The following NINL variants were observed in gnomAD, a reference collection of about 807,000 sequenced individuals.
The protein encoded by NINL is ninein-like protein.
A neutral mutation model predicts 160.3 loss-of-function variants in NINL; 153 were observed. That is an observed-to-expected ratio of 0.95 (90% confidence interval 0.84 to 1.09). The LOEUF (loss-of-function observed/expected upper bound fraction) is 1.09, where lower values mean the gene tolerates loss of function less well. Ranked by LOEUF, NINL falls within the 50% of genes least tolerant of loss-of-function variation. The pLI, the probability that NINL is intolerant of heterozygous loss-of-function variation, is 0.00. For synonymous variants in NINL, 800 were observed against 734.8 expected (o/e 1.09, Z -1.43); for missense variants, 1,829 against 1,764.0 (o/e 1.04, Z -0.66).
At chr20:25,465,528 C>T (rs1005251454) in intron 19 of NINL, among the ~76,000 whole-genome samples, 3 of 152,156 alleles carry the variant, frequency 2.0e-5, no homozygotes, top group Non-Finnish European at 4.4e-5. Context: ...GACACTCCTT[C>T]CAGGTCCAGC....
intron 2 of NINL, among the ~76,000 whole-genome samples, chr20:25,524,672 C>T (rs966724816): frequency 2.6e-5 from 4 of 152,166 alleles, no homozygotes; most frequent in Non-Finnish European, 5.9e-5. Context: ...TGCTGATGCT[C>T]TAATACCAAT....
chr20:25,476,637 G>A lies in NINL; in HGVS notation c.2654C>T (p.Thr885Ile), dbSNP rs1051260310. 12 of 1,591,926 alleles carry A rather than the reference G, an allele frequency of 7.5e-6. No individual in the cohort carries two copies. The African/African-American group carries it at 1.6e-4, about 21-fold the overall frequency. ...GGGGGCCGGGCTCTGCGTAGCTTCT[G>A]TGTCCTGGGCTTGCCTGCGGCGAGG... ...AGPRRRQAQD[T>I]EATQSPAPAP... The change falls in exon 17 of 24, where the codon ACA (threonine) becomes ATA (isoleucine). Residue 885 changes from threonine (T) to isoleucine (I), a missense_variant. Coordinates refer to ENST00000278886, the MANE Select transcript of NINL (RefSeq NM_025176.6).
At chr20:25,529,409 C>A (rs1465854925) in intron 1 of NINL, among the ~76,000 whole-genome samples, 1 of 152,136 alleles carries the variant, frequency 6.6e-6, no homozygotes, top group African/African-American at 2.4e-5. Context: ...AATGAACAAA[C>A]CGGTTCATAG....
chr20:25,475,871 G>A (rs772149659), intron 17 of NINL, among the ~76,000 whole-genome samples, 172 bp downstream of exon 17: 31 of 152,310 alleles, frequency 2.0e-4, no homozygotes, highest in South Asian at 2.1e-4. Context: ...ATTCCGGGAC[G>A]GGGCTGGGCT....
chr20:25,456,408 C>T (rs1293836519), intron 22 of NINL, among the ~76,000 whole-genome samples: 1 of 150,672 alleles, frequency 6.6e-6, no homozygotes, highest in Non-Finnish European at 1.5e-5. Flanking sequence ...ATCAGCCGGG[C>T]ATGGTAGCGG....
chr20:25,552,444 AT>A (rs1001967064), intron 1 of NINL, among the ~76,000 whole-genome samples: 5 of 152,242 alleles, frequency 3.3e-5, no homozygotes, highest in Admixed American at 3.3e-4. Flanking sequence ...AAAGAAAAAA[AT>A]AAATCTACTA....
In NINL at chr20:25,498,364, G is replaced by T. The variant is rs746666983; in HGVS notation, c.1033-18C>A. The T allele has an allele frequency of 6.2e-7, 1 of 1,611,476 alleles. No individual in the cohort carries two copies. The highest frequency in any genetic ancestry group is 1.1e-5 in the South Asian group (1 of 90,972). On this transcript the variant is annotated intron_variant, in intron 8 of 23. Transcript: ENST00000278886. ...TCCAGGCTCTGGAAGCAGCAAGCCT[G>T]GTAAGCAGGAGAGGCTGAGGGACTT...
At chr20:25,523,153 A>G (rs1012629898) in intron 2 of NINL, among the ~76,000 whole-genome samples, 2 of 152,148 alleles carry the variant, frequency 1.3e-5, no homozygotes, top group Non-Finnish European at 2.9e-5. Flanking sequence ...ATTGTTTAGG[A>G]AATAGTGAGA....
In NINL at chr20:25,510,129, T is replaced by C. The variant is rs1239476981; in HGVS notation, c.517+545A>G. On this transcript the variant is annotated intron_variant, in intron 5 of 23. Transcript: ENST00000278886. ...CACAGCGCTGTGAGGCTGCATGCTA[T>C]GATTTGCTTATGTGTACCAGCTGCT... 2.0e-5 allele frequency among the ~76,000 whole-genome samples: 3 copies of C among 152,260 alleles called. No homozygotes were observed. In the East Asian group the frequency reaches 5.8e-4, roughly 29 times the overall value.
intron 2 of NINL, among the ~76,000 whole-genome samples, chr20:25,522,239 C>G (rs2064276862): frequency 6.6e-6 from 1 of 152,178 alleles, no homozygotes; most frequent in African/African-American, 2.4e-5. Context: ...CAATTTCTCA[C>G]TGATTTATTT....
At chr20:25,473,778 C>T (rs1206058212) in intron 17 of NINL, among the ~76,000 whole-genome samples, 1 of 151,764 alleles carries the variant, frequency 6.6e-6, no homozygotes, top group East Asian at 1.9e-4. Flanking sequence ...TGATGCAGGA[C>T]AATTGCTTGA....
rs746980973 is a variant in NINL at position 25,504,121 on chromosome 20, A to G, written c.709-17T>C. 1 of 1,550,140 alleles carries G rather than the reference A, an allele frequency of 6.5e-7. No homozygotes were observed. Among genetic ancestry groups the G allele is most frequent in the South Asian group, 1.3e-5 (1 of 79,122 alleles). Reference sequence around the variant, plus strand: ...TTCGAGTTCCTAAACAAAAGCCGTCATATCTCAGGCCCACCCACAAGAGCT... The same window carrying G: ...TTCGAGTTCCTAAACAAAAGCCGTCGTATCTCAGGCCCACCCACAAGAGCT... On this transcript the variant is annotated splice_polypyrimidine_tract_variant and intron_variant, in intron 6 of 23. Coordinates refer to ENST00000278886, the MANE Select transcript of NINL (RefSeq NM_025176.6).
intron 10 of NINL, among the ~76,000 whole-genome samples, chr20:25,491,830 C>G (rs1265463462): frequency 6.6e-6 from 1 of 152,226 alleles, no homozygotes; most frequent in Non-Finnish European, 1.5e-5. Context: ...GGCCCCTCCA[C>G]CCGGTGTGCA....
At chr20:25,561,000 T>C (rs2064927281) in intron 1 of NINL, among the ~76,000 whole-genome samples, 1 of 149,686 alleles carries the variant, frequency 6.7e-6, no homozygotes, top group Non-Finnish European at 1.5e-5. Flanking sequence ...CCTCTCCCTC[T>C]CCCTCTCTTT....
chr20:25,477,169 G>T (rs996960775), intron 16 of NINL, 80 bp from the exon 17 acceptor site: 1 of 1,330,372 alleles, frequency 7.5e-7, no homozygotes, highest in African/African-American at 1.5e-5. Context: ...CCCAGCTGTT[G>T]CAACGGCTGC....
At chr20:25,534,398 C>CA (rs753902657) in intron 1 of NINL, among the ~76,000 whole-genome samples, 3 of 152,166 alleles carry the variant, frequency 2.0e-5, no homozygotes, top group East Asian at 3.8e-4. Context: ...AACAGCATCT[C>CA]AAAGAGATAC....
intron 1 of NINL, among the ~76,000 whole-genome samples, chr20:25,554,636 CAAAAA>C (rs747557892): frequency 1.2e-5 from 1 of 85,800 alleles, no homozygotes; most frequent in Non-Finnish European, 2.1e-5. Flanking sequence ...AAAAAAAAAA[CAAAAA>C]AAAAAAAAAA....
At chr20:25,522,642 C>G (rs2064283313) in intron 2 of NINL, among the ~76,000 whole-genome samples, 1 of 152,202 alleles carries the variant, frequency 6.6e-6, no homozygotes, top group African/African-American at 2.4e-5. Context: ...TTTGCTCATT[C>G]TAATCACAGA....
At chr20:25,519,243 A>G (rs900249937) in intron 2 of NINL, among the ~76,000 whole-genome samples, 1 of 152,204 alleles carries the variant, frequency 6.6e-6, no homozygotes, top group Non-Finnish European at 1.5e-5. Context: ...AAGCCAGTGA[A>G]ATATATTAGC....
Sources: allele counts gnomAD v4.1 joint callset (sites outside exome capture counted in the v4.1 genomes callset), GRCh38; gene constraint gnomAD v4.1.1; transcripts MANE v1.5; gene names NCBI Gene and HGNC (gene_info 2026-07-23, HGNC 2026-07-21).